Variants in PCDHGA10 observed in about 807,000 individuals in gnomAD.
PCDHGA10 encodes the protein protocadherin gamma-A10.
In PCDHGA10, 42 loss-of-function variants were observed where a neutral mutation model predicts 59.5. The ratio of observed to expected loss-of-function variants is 0.71; its 90% CI spans 0.55 to 0.91. The LOEUF is 0.91. PCDHGA10 is among the 40% of genes least tolerant of loss of function. The pLI is 0.00. For missense variants in PCDHGA10, 1,111 were observed against 1,198.2 expected (o/e 0.93, Z 1.07); for synonymous variants, 511 against 517.2 (o/e 0.99, Z 0.16).
chr5:141,456,072 T>C (rs1349808406), intron 1 of PCDHGA10, among the ~76,000 whole-genome samples: 2 of 151,950 alleles, frequency 1.3e-5, no homozygotes, highest in Non-Finnish European at 2.9e-5. Flanking sequence ...TAATTTTTTG[T>C]ATTTTCAGTA....
chr5:141,486,162 T>G lies in PCDHGA10; in HGVS notation c.2437-8645T>G, dbSNP rs763023343. ...GCTCGCGATGGGGGTTCTCCAGCCA[T>G]GGAGCAACATTGCAGCCTTCGAGTG... On this transcript the variant is annotated intron_variant, in intron 1 of 3. Coordinates refer to ENST00000398610, the MANE Select transcript of PCDHGA10 (RefSeq NM_018913.3). The surrounding 1 kb of genome is among the most constrained non-coding windows in gnomAD (Gnocchi z 5.0). The G allele has an allele frequency of 6.2e-7, 1 of 1,614,170 alleles. No individual in the cohort carries two copies. Among genetic ancestry groups the G allele is most frequent in the Non-Finnish European group, 8.5e-7 (1 of 1,180,026 alleles).
chr5:141,508,241 T>G (rs1475142426), intron 3 of PCDHGA10: 2 of 152,286 alleles, frequency 1.3e-5, no homozygotes, highest in East Asian at 3.9e-4. Context: ...CTCCTAAGTC[T>G]GCCTCTCCTG....
At chr5:141,455,634 G>C (rs1429708887) in intron 1 of PCDHGA10, among the ~76,000 whole-genome samples, 1 of 152,110 alleles carries the variant, frequency 6.6e-6, no homozygotes. Context: ...GAGATATGTG[G>C]GGGGCAGCCA....
At chr5:141,488,472 T>C (rs1183465817) in intron 1 of PCDHGA10, among the ~76,000 whole-genome samples, 1 of 152,096 alleles carries the variant, frequency 6.6e-6, no homozygotes, top group East Asian at 1.9e-4. Context: ...CCAGAAATGT[T>C]CCCCTACCCA....
Position 141,431,431 on chromosome 5 carries a change from C to T in PCDHGA10, c.2436+15820C>T, listed in dbSNP as rs776557037. ...ACGGGGGCGACCCGGTGCGCACAGG[C>T]ACCGCGCGCATCCGCGTGATGGTTC... is the stretch of plus-strand genomic sequence containing the variant. On this transcript the variant is annotated intron_variant, in intron 1 of 3. Transcript: ENST00000398610. This position sits in a 1 kb window ranked among gnomAD's most constrained non-coding sequence, Gnocchi z 4.8. 11 of 1,613,586 alleles carry T rather than the reference C, an allele frequency of 6.8e-6. No individual in the cohort carries two copies. The East Asian group carries it at 1.1e-4, about 16-fold the overall frequency.
In PCDHGA10 at chr5:141,489,652, C is replaced by A. The variant is rs767143028; in HGVS notation, c.2437-5155C>A. On this transcript the variant is annotated intron_variant, in intron 1 of 3. Transcript: ENST00000398610. The surrounding 1 kb of genome is among the most constrained non-coding windows in gnomAD (Gnocchi z 4.5). ...CTCTCCTAGCTTTGCCACCCCTGAG[C>A]GAGAGATGCGCATCTCAGAATCAGC... 34 of 1,614,024 alleles carry A rather than the reference C, an allele frequency of 2.1e-5. No homozygotes were observed. The Middle Eastern group carries it at 6.6e-4, about 31-fold the overall frequency.
intron 1 of PCDHGA10, chr5:141,420,142 G>T: frequency 4.3e-6 from 7 of 1,614,004 alleles, no homozygotes; most frequent in Non-Finnish European, 5.9e-6. Flanking sequence ...GGGATCAAAT[G>T]AATCCAGAAT....
Position 141,414,015 on chromosome 5 carries a change from A to T in PCDHGA10, c.840A>T (p.Glu280Asp). ...ACAGGGACGAAGGTGCCAATGGAGA[A>T]GTGACATATTCATTCCGAAAATTAC... ...ATDRDEGANG[E>D]VTYSFRKLPD... The change falls in exon 1 of 4, where the codon GAA becomes GAT. Residue 280 changes from glutamate (E) to aspartate (D), a missense_variant. By Grantham distance (45) the Glu-to-Asp change is conservative (BLOSUM62 2). Coordinates refer to ENST00000398610, the MANE Select transcript of PCDHGA10 (RefSeq NM_018913.3). 6.2e-7 allele frequency: 1 copy of T among 1,613,160 alleles called. No individual in the cohort carries two copies.
At position 141,486,209 on chromosome 5, in the gene PCDHGA10, A is replaced by C. The variant is rs749965379; in HGVS notation, c.2437-8598A>C. On this transcript the variant is annotated intron_variant, in intron 1 of 3. Transcript: ENST00000398610. The surrounding 1 kb of genome is among the most constrained non-coding windows in gnomAD (Gnocchi z 5.0). ...AGTGGATCTGCTGGACGTAAATGAC[A>C]ATGCCCCTTACATCACAGTGACCTC... 1 of 1,614,080 alleles carries C rather than the reference A, an allele frequency of 6.2e-7. No homozygotes were observed. Among genetic ancestry groups the C allele is most frequent in the South Asian group, 1.1e-5 (1 of 91,078 alleles).
chr5:141,479,616 C>A (rs1371541860), intron 1 of PCDHGA10: 2 of 152,232 alleles, frequency 1.3e-5, no homozygotes, highest in African/African-American at 4.8e-5. Flanking sequence ...TATAGGGAAA[C>A]CATGTCTCTT....
At chr5:141,505,505 G>A (rs2099846270) in intron 3 of PCDHGA10, 24 bp downstream of exon 3, 1 of 1,614,132 alleles carries the variant, frequency 6.2e-7, no homozygotes, top group Non-Finnish European at 8.5e-7. Flanking sequence ...GTGTGTGTAT[G>A]GAAGAGTGGG....
intron 1 of PCDHGA10, chr5:141,419,553 C>T (rs2096398346): frequency 1.2e-5 from 20 of 1,611,902 alleles, no homozygotes; most frequent in Non-Finnish European, 1.4e-5. Flanking sequence ...GTGCTGTACC[C>T]TGCGCTGGGT....
At chr5:141,428,008 T>C (rs2097099623) in intron 1 of PCDHGA10, 4 of 1,601,848 alleles carry the variant, frequency 2.5e-6, no homozygotes, top group Admixed American at 3.3e-5. Context: ...CTCTTCGATA[T>C]AGTGCCACGC....
intron 1 of PCDHGA10, chr5:141,421,983 T>G: frequency 6.2e-7 from 1 of 1,609,228 alleles, no homozygotes; most frequent in Non-Finnish European, 8.5e-7. Context: ...GCGTGAGTGT[T>G]CCAGAAAACA....
chr5:141,424,880 C>G (rs2096845847), intron 1 of PCDHGA10, among the ~76,000 whole-genome samples: 1 of 152,162 alleles, frequency 6.6e-6, no homozygotes, highest in Admixed American at 6.5e-5. Context: ...GGAAAGGAGA[C>G]TTATCTAGGG....
chr5:141,422,876 G>A (rs2096681830), intron 1 of PCDHGA10: 1 of 1,614,248 alleles, frequency 6.2e-7, no homozygotes, highest in Non-Finnish European at 8.5e-7. Context: ...GTGTCGCTGA[G>A]CCTGTTCGTG....
rs1414210927 is a variant in PCDHGA10, at chr5:141,477,460, C to G, written c.2437-17347C>G. 1.9e-6 allele frequency: 3 copies of G among 1,614,014 alleles called. No homozygotes were observed. The highest frequency in any genetic ancestry group is 2.5e-6 in the Non-Finnish European group (3 of 1,180,028). On this transcript the variant is annotated intron_variant, in intron 1 of 3. Transcript: ENST00000398610. The surrounding 1 kb of genome is among the most constrained non-coding windows in gnomAD (Gnocchi z 4.9). ...TTACAATAGTGCGTGTTCAAGTGTC[C>G]GACATCAATGACAACCCTCCACAAT...
intron 1 of PCDHGA10, among the ~76,000 whole-genome samples, chr5:141,454,261 A>T (rs183133499): frequency 1.3e-5 from 2 of 152,364 alleles, no homozygotes; most frequent in South Asian, 2.1e-4. Flanking sequence ...CAGAGAAAGT[A>T]ATGCCAGCAA....
rs2734872 is a variant in PCDHGA10 at position 141,474,454 on chromosome 5, C to T, written c.2437-20353C>T. On this transcript the variant is annotated intron_variant, in intron 1 of 3. Transcript: ENST00000398610. ...ACACTTTGAGTAGCAAGTGATTGGG[C>T]TATACTCTTTATTCTAAATTCTAAA... Among the ~76,000 whole-genome samples, 6 of 152,308 alleles carry T rather than the reference C, an allele frequency of 3.9e-5. No individual in the cohort carries two copies. The East Asian group carries it at 1.2e-3, about 29-fold the overall frequency.
Sources: allele counts gnomAD v4.1 joint callset (sites outside exome capture counted in the v4.1 genomes callset), GRCh38; gene constraint gnomAD v4.1.1; non-coding constraint Gnocchi (gnomAD v3.1); transcripts MANE v1.5; gene names NCBI Gene and HGNC (gene_info 2026-07-23, HGNC 2026-07-21).